MIPOL1: variants seen among roughly 807,000 people sequenced by gnomAD.
MIPOL1 encodes mirror-image polydactyly 1.
In MIPOL1, 57 loss-of-function variants were observed where a neutral mutation model predicts 60.9. The observed-to-expected ratio is 0.94, with a 90% CI of 0.76 to 1.17. The LOEUF (loss-of-function observed/expected upper bound fraction) is 1.17, where lower values mean the gene tolerates loss of function less well. Ranked by LOEUF, MIPOL1 falls within the 50% of genes most tolerant of loss-of-function variation. The pLI is 0.00. For synonymous variants in MIPOL1, 179 were observed against 168.8 expected, an observed-to-expected ratio of 1.06 and a Z score of -0.47; for missense variants, 551 against 511.6, an observed-to-expected ratio of 1.08 and a Z score of -0.74.
intron 11 of MIPOL1, among the ~76,000 whole-genome samples, chr14:37,450,781 ATAGACT>A (rs2094405949): frequency 6.6e-6 from 1 of 152,256 alleles, no homozygotes; most frequent in South Asian, 2.1e-4. Flanking sequence ...TTTCTGAAAC[ATAGACT>A]TAGAAATTTC....
intron 12 of MIPOL1, among the ~76,000 whole-genome samples, chr14:37,512,305 T>C (rs1158053820): frequency 6.6e-6 from 1 of 152,168 alleles, no homozygotes; most frequent in Non-Finnish European, 1.5e-5. Context: ...TCTGTAGTTC[T>C]CTTCGAAGTG....
At chr14:37,524,559 C>CTTTTTTTTTTTTTTTTTTTTTTTTTT (rs1171387928) in intron 12 of MIPOL1, among the ~76,000 whole-genome samples, 1 of 18,500 alleles carries the variant, frequency 5.4e-5, no homozygotes, top group Non-Finnish European at 9.0e-5. Context: ...CTTAATTTTT[C>CTTTTTTTTTTTTTTTTTTTTTTTTTT]TTTTTCTTTT....
chr14:37,267,221 C>T, intron 4 of MIPOL1, 52 bp downstream of exon 4: 1 of 1,382,470 alleles, frequency 7.2e-7, no homozygotes, highest in Non-Finnish European at 1.0e-6. Context: ...GGCGTGGTGG[C>T]TCATGCCTGT....
chr14:37,511,424 G>GT (rs2095327017), intron 12 of MIPOL1, among the ~76,000 whole-genome samples: 1 of 152,142 alleles, frequency 6.6e-6, no homozygotes, highest in South Asian at 2.1e-4. Context: ...CGAGGTAAAG[G>GT]GAACTAAAGA....
chr14:37,407,678 T>C (rs2093610566), intron 10 of MIPOL1, among the ~76,000 whole-genome samples: 1 of 152,014 alleles, frequency 6.6e-6, no homozygotes. Flanking sequence ...TGAGAGACCA[T>C]TGTTTAGACA....
chr14:37,373,376 T>C (rs920118970), intron 10 of MIPOL1, among the ~76,000 whole-genome samples: 3 of 152,048 alleles, frequency 2.0e-5, no homozygotes, highest in Non-Finnish European at 4.4e-5. Flanking sequence ...GTAAGAAAAT[T>C]CATATATATT....
intron 10 of MIPOL1, among the ~76,000 whole-genome samples, chr14:37,396,455 G>C (rs1301092562): frequency 6.6e-6 from 1 of 152,132 alleles, no homozygotes; most frequent in South Asian, 2.1e-4. Context: ...ATGCGCCTAG[G>C]TGATGATTTT....
At chr14:37,272,867 A>G (rs985786052) in intron 6 of MIPOL1, among the ~76,000 whole-genome samples, 1 of 151,608 alleles carries the variant, frequency 6.6e-6, no homozygotes, top group Non-Finnish European at 1.5e-5. Context: ...AGAAATACTT[A>G]TAAAAACATC....
chr14:37,322,749 G>T (rs559870751), intron 9 of MIPOL1, among the ~76,000 whole-genome samples: 4 of 151,886 alleles, frequency 2.6e-5, no homozygotes, highest in African/African-American at 9.7e-5. Context: ...TTTTTTTCAT[G>T]TATTTCTTGA....
chr14:37,432,562 G>T (rs1253614225), intron 11 of MIPOL1, among the ~76,000 whole-genome samples: 1 of 151,736 alleles, frequency 6.6e-6, no homozygotes, highest in Non-Finnish European at 1.5e-5. Flanking sequence ...GGGTCAAAAT[G>T]GTGTCTCCAT....
In MIPOL1 at chr14:37,204,958, A is replaced by T. The variant is rs576024287; in HGVS notation, c.-199+6854A>T. ...GATAGTGATATGGACAATAAAATCT[A>T]GGCTGAGGTGGTCTCAGATAGAAAT... On this transcript the variant is annotated intron_variant, in intron 1 of 12. Transcript: ENST00000684589. 2.6e-5 allele frequency among the ~76,000 whole-genome samples: 4 copies of T among 152,300 alleles called. No homozygotes were observed. In the South Asian group the frequency reaches 8.3e-4, roughly 32 times the overall value.
chr14:37,288,496 G>T (rs370243787), intron 7 of MIPOL1, among the ~76,000 whole-genome samples: 2 of 152,032 alleles, frequency 1.3e-5, no homozygotes, highest in Non-Finnish European at 2.9e-5. Flanking sequence ...TGTGGCAATA[G>T]CAAGCAGTTT....
In MIPOL1 at chr14:37,474,238, G is replaced by T. The variant is rs75424073; in HGVS notation, c.1032-25670G>T. 1.5e-3 allele frequency among the ~76,000 whole-genome samples: 233 copies of T among 152,236 alleles called. 1 individual carries two copies. Among genetic ancestry groups the T allele is most frequent in the African/African-American group, 5.5e-3 (230 of 41,550 alleles). On this transcript the variant is annotated intron_variant, in intron 11 of 12. Coordinates refer to ENST00000684589, the MANE Select transcript of MIPOL1 (RefSeq NM_001388067.1). Reference sequence around the variant, plus strand: ...AACTAGTATAAACATACTTGTGCAGGTTTTTGTATGGACGTAGGTTTTTAT... The same window carrying T: ...AACTAGTATAAACATACTTGTGCAGTTTTTTGTATGGACGTAGGTTTTTAT...
chr14:37,326,132 C>T (rs2089137992), intron 9 of MIPOL1, among the ~76,000 whole-genome samples: 1 of 152,106 alleles, frequency 6.6e-6, no homozygotes, highest in African/African-American at 2.4e-5. Context: ...GTATAATAGA[C>T]TCTGATACAG....
At chr14:37,290,695 T>C (rs923202721) in intron 7 of MIPOL1, among the ~76,000 whole-genome samples, 1 of 152,184 alleles carries the variant, frequency 6.6e-6, no homozygotes, top group Non-Finnish European at 1.5e-5. Flanking sequence ...TTCATGGAAA[T>C]TTTACCTTTT....
chr14:37,356,399 G>A (rs2091829362), intron 9 of MIPOL1, among the ~76,000 whole-genome samples: 1 of 152,128 alleles, frequency 6.6e-6, no homozygotes, highest in Non-Finnish European at 1.5e-5. Context: ...AGCCTACAGA[G>A]GCAGGCAGGC....
intron 9 of MIPOL1, among the ~76,000 whole-genome samples, chr14:37,313,574 A>G (rs762928156): frequency 3.9e-5 from 6 of 152,086 alleles, no homozygotes; most frequent in Non-Finnish European, 8.8e-5. Flanking sequence ...GACTTTATGG[A>G]CTTTAACCAC....
chr14:37,479,927 G>T (rs1001026290), intron 11 of MIPOL1, among the ~76,000 whole-genome samples: 1 of 152,030 alleles, frequency 6.6e-6, no homozygotes, highest in Non-Finnish European at 1.5e-5. Flanking sequence ...CCAATAAATT[G>T]AATAACCTGG....
chr14:37,411,392 T>C (rs1434077365), intron 10 of MIPOL1, among the ~76,000 whole-genome samples: 2 of 152,156 alleles, frequency 1.3e-5, no homozygotes, highest in Non-Finnish European at 2.9e-5. Context: ...ATTTTAGATA[T>C]TTTCTTTCAT....
Sources: allele counts gnomAD v4.1 joint callset (sites outside exome capture counted in the v4.1 genomes callset), GRCh38; gene constraint gnomAD v4.1.1; transcripts MANE v1.5; gene names NCBI Gene and HGNC (gene_info 2026-07-23, HGNC 2026-07-21).